SLC9B1: variants seen among roughly 807,000 people sequenced by gnomAD.
SLC9B1 encodes the protein solute carrier family 9 member B1.
A neutral mutation model predicts 51.7 loss-of-function variants in SLC9B1; 32 were observed. The ratio of observed to expected loss-of-function variants is 0.62; its 90% confidence interval spans 0.47 to 0.83. The LOEUF (loss-of-function observed/expected upper bound fraction) is 0.83, where lower values mean the gene tolerates loss of function less well. Ranked by LOEUF, SLC9B1 falls within the 40% of genes least tolerant of loss-of-function variation. The probability of loss-of-function intolerance (pLI) is 0.00; values close to 1 mark genes in which losing one functional copy is unlikely to be tolerated. For missense variants in SLC9B1, 406 were observed against 613.2 expected, an observed-to-expected ratio of 0.66 and a Z score of 3.57; for synonymous variants, 145 against 212.7, an observed-to-expected ratio of 0.68 and a Z score of 2.77.
In SLC9B1 at chr4:102,903,827, C is replaced by T. The variant is rs577353153; in HGVS notation, c.1332+1687G>A. On this transcript the variant is annotated intron_variant, in intron 11 of 11. Coordinates refer to ENST00000296422, the MANE Select transcript of SLC9B1 (RefSeq NM_139173.4). ...CAATACACATTTGGCTCCTGCATGTCAGGCACTGTGTTAAGTGCCAGGGAG... is the reference window on the plus strand; with the variant it reads ...CAATACACATTTGGCTCCTGCATGTTAGGCACTGTGTTAAGTGCCAGGGAG... Among the ~76,000 whole-genome samples, 4 of 152,302 alleles carry T rather than the reference C, an allele frequency of 2.6e-5. No individual in the cohort carries two copies. The East Asian group carries it at 5.8e-4, about 22-fold the overall frequency.
At chr4:102,986,732 T>C (rs1739645220) in intron 3 of SLC9B1, among the ~76,000 whole-genome samples, 1 of 152,196 alleles carries the variant, frequency 6.6e-6, no homozygotes, top group Non-Finnish European at 1.5e-5. Flanking sequence ...AGCCCGGAGA[T>C]TCTTTCTCAG....
rs1254357652 is a variant in SLC9B1 at position 102,901,603 on chromosome 4, CTT to C, written c.1333-273_1333-272del. ...TCAGTGTTCCTCTATTCGAATATCT[CTT>C]TTGAGTGTTCATGTTGCCCTCATAA... On this transcript the variant is annotated intron_variant, in intron 11 of 11. Transcript: ENST00000296422. 1.2e-4 allele frequency among the ~76,000 whole-genome samples: 18 copies of C among 152,296 alleles called. No homozygotes were observed. In the East Asian group the frequency reaches 3.5e-3, roughly 29 times the overall value.
chr4:102,988,028 T>C (rs572906324), intron 3 of SLC9B1, among the ~76,000 whole-genome samples: 10 of 152,292 alleles, frequency 6.6e-5, no homozygotes, highest in African/African-American at 2.4e-4. Context: ...GATATTATTT[T>C]TGAACCTTAA....
At chr4:103,017,164 C>T (rs1741410214) in intron 1 of SLC9B1, among the ~76,000 whole-genome samples, 1 of 152,180 alleles carries the variant, frequency 6.6e-6, no homozygotes, top group Admixed American at 6.5e-5. Flanking sequence ...ATATTCAAAA[C>T]ATCACAAAAT....
intron 3 of SLC9B1, among the ~76,000 whole-genome samples, chr4:102,972,907 AT>A (rs1489288218): frequency 3.9e-5 from 6 of 152,154 alleles, no homozygotes; most frequent in African/African-American, 1.2e-4. Flanking sequence ...TTTAAAATTA[AT>A]TTTTTAATTA....
At chr4:103,000,676 G>T (rs1740472334) in intron 1 of SLC9B1, among the ~76,000 whole-genome samples, 1 of 152,200 alleles carries the variant, frequency 6.6e-6, no homozygotes, top group Non-Finnish European at 1.5e-5. Flanking sequence ...CTCACATCCA[G>T]GGCATGCTGA....
At chr4:102,902,303 A>T (rs1448648016) in intron 11 of SLC9B1, among the ~76,000 whole-genome samples, 1 of 152,192 alleles carries the variant, frequency 6.6e-6, no homozygotes, top group Non-Finnish European at 1.5e-5. Flanking sequence ...ATTACCTCTG[A>T]TATGGAACAT....
intron 3 of SLC9B1, among the ~76,000 whole-genome samples, chr4:102,958,173 T>C (rs1231845764): frequency 1.3e-5 from 2 of 152,180 alleles, no homozygotes; most frequent in African/African-American, 4.8e-5. Context: ...GAATGGATCA[T>C]GGGGGCAGAT....
chr4:102,996,295 T>C lies in SLC9B1; in HGVS notation c.-1-4583A>G, dbSNP rs561453941. On this transcript the variant is annotated intron_variant, in intron 1 of 11. Coordinates refer to ENST00000296422, the MANE Select transcript of SLC9B1 (RefSeq NM_139173.4). ...TTTAGGTATTAAAAATGTAAATCTT[T>C]TATTGGATATATAAAGAGCCAATAT... Among the ~76,000 whole-genome samples, 15 of 152,330 alleles carry C rather than the reference T, an allele frequency of 9.8e-5. No homozygotes were observed. The East Asian group carries it at 2.1e-3, about 22-fold the overall frequency.
At chr4:102,991,835 C>A (rs1739953970) in intron 1 of SLC9B1, 123 bp from the exon 2 acceptor site, 1 of 601,798 alleles carries the variant, frequency 1.7e-6, no homozygotes, top group Admixed American at 3.5e-5. Context: ...GTATCACAGT[C>A]AAGTCAGATA....
chr4:102,956,494 C>G (rs1051061363), intron 3 of SLC9B1, among the ~76,000 whole-genome samples: 3 of 152,108 alleles, frequency 2.0e-5, no homozygotes, highest in Non-Finnish European at 4.4e-5. Context: ...TGAATGCATT[C>G]ACCCACCCAC....
At chr4:102,920,641 G>T (rs1179964211) in intron 7 of SLC9B1, among the ~76,000 whole-genome samples, 5 of 152,088 alleles carry the variant, frequency 3.3e-5, no homozygotes, top group Non-Finnish European at 5.9e-5. Flanking sequence ...GGAACCCATC[G>T]CAAGGAAGGT....
At position 102,946,775 on chromosome 4, in the gene SLC9B1, C is replaced by T; in HGVS notation, c.397G>A (p.Gly133Ser). The T allele has an allele frequency of 6.3e-7, 1 of 1,593,398 alleles. No homozygotes were observed. Among genetic ancestry groups the T allele is most frequent in the South Asian group, 1.2e-5 (1 of 86,776 alleles). Residue 133 changes from glycine to serine, a missense_variant, in exon 5 of 12, where the codon GGT becomes AGT. This residue lies in a region of SLC9B1 where 250 missense variants were observed against 394.1 expected (regional missense o/e 0.63). Coordinates refer to ENST00000296422, the MANE Select transcript of SLC9B1 (RefSeq NM_139173.4). The part of the protein sequence containing the change: ...LPPLLGMLLA[G>S]FTIRNVPFIN... ...AATGGAACATTCCTAATCGTAAAAC[C>T]AGCCAGTAACATCCCTTAAAAGAAA...
intron 1 of SLC9B1, among the ~76,000 whole-genome samples, chr4:102,999,707 GT>G: frequency 6.6e-6 from 1 of 152,250 alleles, no homozygotes; most frequent in Non-Finnish European, 1.5e-5. Context: ...GTAATGCTCA[GT>G]TTTATTTCAA....
chr4:103,017,794 C>A (rs1347240073), intron 1 of SLC9B1, among the ~76,000 whole-genome samples: 1 of 152,224 alleles, frequency 6.6e-6, no homozygotes, highest in African/African-American at 2.4e-5. Context: ...AGAATTTAAA[C>A]TTCATAAGAA....
At chr4:102,917,371 A>T (rs1197671196) in intron 7 of SLC9B1, among the ~76,000 whole-genome samples, 1 of 151,970 alleles carries the variant, frequency 6.6e-6, no homozygotes, top group East Asian at 1.9e-4. Context: ...ATGTGAGCCA[A>T]TTCTCCTTAA....
chr4:102,988,003 A>G (rs1418202022), intron 3 of SLC9B1, among the ~76,000 whole-genome samples: 1 of 151,988 alleles, frequency 6.6e-6, no homozygotes, highest in Non-Finnish European at 1.5e-5. Context: ...AGAACTGGAA[A>G]CTGGAAGTCT....
Position 102,945,189 on chromosome 4 carries a change from T to A in SLC9B1, c.653+4A>T. 1 of 1,571,026 alleles carries A rather than the reference T, an allele frequency of 6.4e-7. No individual in the cohort carries two copies. Among genetic ancestry groups the A allele is most frequent in the Non-Finnish European group, 8.6e-7 (1 of 1,158,584 alleles). Reference sequence around the variant, plus strand: ...TTCATAAGAAAAAATGAGAAAGAAATTACCCTAATAGAAATGCCCATTGCC... The same window carrying A: ...TTCATAAGAAAAAATGAGAAAGAAAATACCCTAATAGAAATGCCCATTGCC... On this transcript the variant is annotated splice_donor_region_variant and intron_variant, in intron 6 of 11. Transcript: ENST00000296422.
chr4:103,009,041 G>A (rs1003059980), intron 1 of SLC9B1, among the ~76,000 whole-genome samples: 10 of 152,036 alleles, frequency 6.6e-5, no homozygotes, highest in South Asian at 2.1e-4. Context: ...CTCGTGATCC[G>A]CCCACCTTGG....
Sources: allele counts gnomAD v4.1 joint callset (sites outside exome capture counted in the v4.1 genomes callset), GRCh38; gene constraint gnomAD v4.1.1; regional missense constraint gnomAD v4.1.1; transcripts MANE v1.5; gene names NCBI Gene and HGNC (gene_info 2026-07-23, HGNC 2026-07-21).